The following RAPGEF2 variants were observed in gnomAD, a reference collection of about 807,000 sequenced individuals.
RAPGEF2 encodes the protein PDZ domain containing guanine nucleotide exchange factor (GEF) 1.
Under a neutral mutation model 186.7 loss-of-function variants are expected in RAPGEF2, and 54 were observed. The observed-to-expected ratio is 0.29, with a 90% confidence interval of 0.23 to 0.36. The LOEUF (loss-of-function observed/expected upper bound fraction) is 0.36, where lower values mean the gene tolerates loss of function less well. RAPGEF2 is among the 10% of genes least tolerant of loss of function. The pLI is 1.00. For synonymous variants in RAPGEF2, 712 were observed against 705.9 expected (o/e 1.01, Z -0.14); for missense variants, 1,532 against 2,045.0 (o/e 0.75, Z 4.84).
At chr4:159,186,201 G>A (rs1184473279) in intron 1 of RAPGEF2, among the ~76,000 whole-genome samples, 1 of 151,502 alleles carries the variant, frequency 6.6e-6, no homozygotes, top group Admixed American at 6.6e-5. Flanking sequence ...ATTTTGGTAA[G>A]AATTGAAAAA....
intron 24 of RAPGEF2, among the ~76,000 whole-genome samples, chr4:159,346,064 T>G (rs1033220456): frequency 6.6e-6 from 1 of 152,114 alleles, no homozygotes; most frequent in Non-Finnish European, 1.5e-5. Flanking sequence ...GGAGTCAGAG[T>G]GGTCTGAGTT....
intron 1 of RAPGEF2, among the ~76,000 whole-genome samples, chr4:159,119,640 A>G (rs1412283389): frequency 1.3e-5 from 2 of 152,198 alleles, no homozygotes; most frequent in South Asian, 2.1e-4. Context: ...GGTATATTCA[A>G]CTTCTTGGTT....
intron 17 of RAPGEF2, among the ~76,000 whole-genome samples, chr4:159,334,706 A>T (rs1767158338): frequency 6.6e-6 from 1 of 152,248 alleles, no homozygotes; most frequent in African/African-American, 2.4e-5. Flanking sequence ...TCCATCAGCA[A>T]TACTGGATGT....
chr4:159,112,196 A>C (rs932132859), intron 1 of RAPGEF2, among the ~76,000 whole-genome samples: 2 of 152,176 alleles, frequency 1.3e-5, no homozygotes, highest in African/African-American at 4.8e-5. Context: ...CTAAAATACC[A>C]ATAATGTCTG....
chr4:159,234,846 G>A (rs1397591233), intron 4 of RAPGEF2, among the ~76,000 whole-genome samples: 20 of 152,114 alleles, frequency 1.3e-4, no homozygotes, highest in South Asian at 8.3e-4. Flanking sequence ...TGTGACCTCC[G>A]TCTCCTGAGT....
chr4:159,169,267 TACTC>T (rs1335321890), intron 1 of RAPGEF2, among the ~76,000 whole-genome samples: 3 of 152,174 alleles, frequency 2.0e-5, no homozygotes, highest in South Asian at 2.1e-4. Context: ...TTTAATTAAA[TACTC>T]AATTACACGT....
At chr4:159,329,795 T>C (rs745380627) in intron 11 of RAPGEF2, 63 bp from the exon 12 acceptor site, 82 of 1,321,554 alleles carry the variant, frequency 6.2e-5, no homozygotes, top group Non-Finnish European at 8.5e-5. Context: ...CACTGAATTA[T>C]TAGTACTGCT....
At chr4:159,150,209 T>C (rs1034859629) in intron 1 of RAPGEF2, among the ~76,000 whole-genome samples, 2 of 152,144 alleles carry the variant, frequency 1.3e-5, no homozygotes, top group African/African-American at 4.8e-5. Flanking sequence ...AAAGTCACCA[T>C]GACCACTGAA....
chr4:159,242,305 A>G (rs1754112059), intron 6 of RAPGEF2, among the ~76,000 whole-genome samples: 1 of 151,760 alleles, frequency 6.6e-6, no homozygotes, highest in African/African-American at 2.4e-5. Flanking sequence ...AAATAAAAAT[A>G]GATAATTAAC....
At chr4:159,161,033 G>C (rs923677882) in intron 1 of RAPGEF2, among the ~76,000 whole-genome samples, 11 of 151,928 alleles carry the variant, frequency 7.2e-5, no homozygotes, top group Admixed American at 2.0e-4. Flanking sequence ...AAATGCTTCT[G>C]ATTGAAGATA....
chr4:159,269,413 C>G (rs1757827701), intron 7 of RAPGEF2, among the ~76,000 whole-genome samples: 1 of 151,836 alleles, frequency 6.6e-6, no homozygotes, highest in Non-Finnish European at 1.5e-5. Flanking sequence ...CTAATTAACT[C>G]TCTTTGGATC....
intron 25 of RAPGEF2, 23 bp downstream of exon 25, chr4:159,347,021 T>G (rs368363520): frequency 4.8e-4 from 761 of 1,591,240 alleles, no homozygotes; most frequent in Non-Finnish European, 6.1e-4. Context: ...ATTCATTTCT[T>G]TTTTTGGTGC....
intron 1 of RAPGEF2, among the ~76,000 whole-genome samples, chr4:159,168,055 C>T (rs535694679): frequency 4.6e-5 from 7 of 152,274 alleles, no homozygotes; most frequent in African/African-American, 1.2e-4. Context: ...TGTCCAGTGA[C>T]GCAGTTTTTA....
At chr4:159,114,404 A>C (rs1325618091) in intron 1 of RAPGEF2, among the ~76,000 whole-genome samples, 1 of 151,838 alleles carries the variant, frequency 6.6e-6, no homozygotes, top group Non-Finnish European at 1.5e-5. Context: ...GCCCGGCCCT[A>C]ATTTTTGCAT....
At position 159,198,262 on chromosome 4, in the gene RAPGEF2, CTT is replaced by C. The variant is rs1282856875; in HGVS notation, c.197+5008_197+5009del. 1.5e-4 allele frequency among the ~76,000 whole-genome samples: 11 copies of C among 74,860 alleles called. No homozygotes were observed. In the South Asian group the frequency reaches 2.2e-3, roughly 15 times the overall value. The allele number at this position is 74,860 out of a possible 152,430, so 49.1% of individuals were successfully genotyped here. A position where few individuals can be genotyped will look rare whatever the true frequency, so the allele number is the denominator to read the frequency against. The stretch of plus-strand genomic sequence containing the variant: ...TTTCTTTCTTCCTTTCTTTCTTTCT[CTT>C]TCTTTCCTTCTTTCTTTCTTTCTTT... On this transcript the variant is annotated intron_variant, in intron 3 of 29. Coordinates refer to ENST00000691494, the MANE Select transcript of RAPGEF2 (RefSeq NM_001394067.2).
chr4:159,184,432 T>C lies in RAPGEF2; in HGVS notation c.70-2210T>C, dbSNP rs1179842743. On this transcript the variant is annotated intron_variant, in intron 1 of 29. Coordinates refer to ENST00000691494, the MANE Select transcript of RAPGEF2 (RefSeq NM_001394067.2). The stretch of plus-strand genomic sequence containing the variant: ...TTTCCTGACTTTTTAATGATCACCA[T>C]TCTAACTGGTGTGAGATGGTATCTC... Among the ~76,000 whole-genome samples the C allele has an allele frequency of 2.0e-5, 3 of 152,212 alleles. No homozygotes were observed. In the East Asian group the frequency reaches 5.8e-4, roughly 29 times the overall value.
At chr4:159,209,191 CAAAAA>C (rs146288884) in intron 3 of RAPGEF2, among the ~76,000 whole-genome samples, 4 of 103,682 alleles carry the variant, frequency 3.9e-5, no homozygotes, top group Admixed American at 1.0e-4. Context: ...CATGCCCAGC[CAAAAA>C]AAAAAAAAAA....
Position 159,341,581 on chromosome 4 carries a change from A to G in RAPGEF2, c.2552A>G (p.Asn851Ser). 6.3e-7 allele frequency: 1 copy of G among 1,596,358 alleles called. No homozygotes were observed. The highest frequency in any genetic ancestry group is 8.5e-7 in the Non-Finnish European group (1 of 1,173,974). ...TTTCATAGGTATTATCTGAAAAACAACATGGAAACAGAAACTCTTTGTTCA... is the reference window on the plus strand; with the variant it reads ...TTTCATAGGTATTATCTGAAAAACAGCATGGAAACAGAAACTCTTTGTTCA... ...QLSGRYYLKNNMETETLCSDE... is the reference protein window; with the variant it reads ...QLSGRYYLKNSMETETLCSDE... Residue 851 changes from asparagine to serine, a missense_variant, in exon 20 of 30, where the codon AAC becomes AGC. Transcript: ENST00000691494.
chr4:159,167,601 T>G (rs982744133), intron 1 of RAPGEF2, among the ~76,000 whole-genome samples: 2 of 152,220 alleles, frequency 1.3e-5, no homozygotes, highest in African/African-American at 4.8e-5. Context: ...TTTTTCTTCT[T>G]GTGTGTCACT....
Sources: allele counts gnomAD v4.1 joint callset (sites outside exome capture counted in the v4.1 genomes callset), GRCh38; gene constraint gnomAD v4.1.1; transcripts MANE v1.5; gene names NCBI Gene and HGNC (gene_info 2026-07-23, HGNC 2026-07-21).